TAF5: variants seen among roughly 807,000 people sequenced by gnomAD.
TAF5 encodes the protein TATA-box binding protein associated factor 5, also known as transcription initiation factor TFIID subunit 5.
TAF5 carries 20 observed loss-of-function variants against 80.9 expected under a neutral mutation model. The ratio of observed to expected loss-of-function variants is 0.25; its 90% CI spans 0.17 to 0.36. The LOEUF (loss-of-function observed/expected upper bound fraction) is 0.36. Among genes scored for constraint, TAF5 ranks in the 10% least tolerant of loss-of-function variants. TAF5 has a pLI of 1.00. For missense variants in TAF5, 863 were observed against 1,029.4 expected, an observed-to-expected ratio of 0.84 and a Z score of 2.21; for synonymous variants, 388 against 406.4, an observed-to-expected ratio of 0.95 and a Z score of 0.55.
chr10:103,383,924 C>G (rs1431810150), intron 7 of TAF5, among the ~76,000 whole-genome samples: 1 of 150,208 alleles, frequency 6.7e-6, no homozygotes, highest in Non-Finnish European at 1.5e-5. Context: ...TCAGGGCTTA[C>G]TGGTTTTAAA....
Position 103,368,012 on chromosome 10 carries a change from A to C in TAF5, c.23A>C (p.Gln8Pro). Residue 8 changes from glutamine (Q) to proline (P), a missense_variant, in exon 1 of 11, where the codon CAG (glutamine) becomes CCG (proline). By Grantham distance (76) the Gln-to-Pro change is moderately conservative (BLOSUM62 -1). Around this residue, in one of 3 missense-constraint regions of TAF5, gnomAD observed 367 missense variants for 335.5 expected, o/e 1.09. Transcript: ENST00000369839. MAALAEE[Q>P]TEVAVKLEPE... Reference sequence around the variant, plus strand: ...AAGATGGCGGCGCTGGCGGAGGAGCAGACGGAGGTGGCGGTCAAGCTAGAG... The same window carrying C: ...AAGATGGCGGCGCTGGCGGAGGAGCCGACGGAGGTGGCGGTCAAGCTAGAG... 6.8e-7 allele frequency: 1 copy of C among 1,464,118 alleles called. No homozygotes were observed. The highest frequency in any genetic ancestry group is 1.3e-5 in the South Asian group (1 of 75,698). 90.7% of individuals were successfully genotyped at this position (1,464,118 alleles called of 1,614,324 possible). A position where few individuals can be genotyped will look rare whatever the true frequency, so the allele number is the denominator to read the frequency against.
chr10:103,375,297 T>C (rs548007060), intron 2 of TAF5, among the ~76,000 whole-genome samples: 9 of 151,912 alleles, frequency 5.9e-5, no homozygotes, highest in Non-Finnish European at 1.3e-4. Context: ...CTGGACTAGG[T>C]TGTGGTGGAG....
At chr10:103,377,575 A>T (rs897015716) in intron 2 of TAF5, among the ~76,000 whole-genome samples, 1 of 152,240 alleles carries the variant, frequency 6.6e-6, no homozygotes, top group Non-Finnish European at 1.5e-5. Flanking sequence ...ACTAGTTGTT[A>T]TCAAGGCTAA....
intron 1 of TAF5, among the ~76,000 whole-genome samples, chr10:103,371,878 T>G (rs2093360252): frequency 6.6e-6 from 1 of 152,096 alleles, no homozygotes. Flanking sequence ...TTTGCACATA[T>G]CTTTTATACA....
At chr10:103,373,617 T>C (rs1592091073) in intron 2 of TAF5, 22 bp downstream of exon 2, 2 of 1,543,230 alleles carry the variant, frequency 1.3e-6, no homozygotes, top group East Asian at 4.6e-5. Context: ...TTTACATATA[T>C]ATATATACAC....
At chr10:103,381,591 A>G in intron 5 of TAF5, 130 bp from the exon 6 acceptor site, 1 of 1,045,932 alleles carries the variant, frequency 9.6e-7, no homozygotes, top group South Asian at 1.7e-5. Context: ...AGAATTTTAA[A>G]AGTCTTTATA....
rs971678192 is a variant in TAF5 at position 103,388,061 on chromosome 10, A to G, written c.2241A>G (p.Leu747=). 3 of 1,614,112 alleles carry G rather than the reference A, an allele frequency of 1.9e-6. No individual in the cohort carries two copies. Among genetic ancestry groups the G allele is most frequent in the Non-Finnish European group, 1.7e-6 (2 of 1,179,974 alleles). The change falls in exon 11 of 11, where the codon TTA becomes TTG. Residue 747 remains leucine (L), a synonymous_variant. Coordinates refer to ENST00000369839, the MANE Select transcript of TAF5 (RefSeq NM_006951.5). ...LWDAIKAFED[L]ETDDFTTATG... is the part of the protein sequence containing the mutation. ...ATGCTATCAAAGCCTTTGAAGATTT[A>G]GAGACCGATGACTTTACTACAGCCA...
Position 103,379,893 on chromosome 10 carries a change from TC to T in TAF5, c.1289del (p.Pro430LeufsTer3). On this transcript the variant is annotated frameshift_variant, in exon 5 of 11. Transcript: ENST00000369839. LOFTEE classifies it high-confidence loss of function. ...NAPPQNRIPL[P>X]ELKDSDKLDK... Reference sequence around the variant, plus strand: ...TCTTTTTCTTTCACAGAATCCCTCTTCCTGAGTTGAAAGATTCAGATAAGTT... The same window carrying T: ...TCTTTTTCTTTCACAGAATCCCTCTTCTGAGTTGAAAGATTCAGATAAGTT... 6.2e-7 allele frequency: 1 copy of T among 1,611,112 alleles called. No homozygotes were observed. Among genetic ancestry groups the T allele is most frequent in the Non-Finnish European group, 8.5e-7 (1 of 1,179,336 alleles).
In TAF5 at chr10:103,388,480, T is replaced by C. The variant is rs1006112154; in HGVS notation, c.*257T>C. On this transcript the variant is annotated 3_prime_UTR_variant, in exon 11 of 11. Coordinates refer to ENST00000369839, the MANE Select transcript of TAF5 (RefSeq NM_006951.5). ...ATGGTGCTTTGGATTGTGTGGAAAC[T>C]ATGCATTTTCTGTTCAAATGCTATT... The C allele has an allele frequency of 3.4e-6, 1 of 297,606 alleles. No individual in the cohort carries two copies. Among genetic ancestry groups the C allele is most frequent in the East Asian group, 5.7e-5 (1 of 17,636 alleles). 18.4% of individuals were successfully genotyped at this position (297,606 alleles called of 1,614,324 possible).
At chr10:103,376,808 C>T (rs1225724660) in intron 2 of TAF5, among the ~76,000 whole-genome samples, 1 of 152,126 alleles carries the variant, frequency 6.6e-6, no homozygotes, top group Non-Finnish European at 1.5e-5. Context: ...CTTTGAGAAG[C>T]CAAGGCGGGC....
Position 103,378,715 on chromosome 10 carries a change from T to TG in TAF5, c.1113+167dup, listed in dbSNP as rs2093375257. On this transcript the variant is annotated intron_variant, in intron 3 of 10. Transcript: ENST00000369839. This position sits in a 1 kb window ranked among gnomAD's most constrained non-coding sequence, Gnocchi z 4.1. ...TCTTGTCACCCAAGCTGGAGTGCAG[T>TG]GGCGTGATCTCAGCTCACTGCAACC... 6.6e-6 allele frequency among the ~76,000 whole-genome samples: 1 copy of TG among 152,224 alleles called. No homozygotes were observed. The highest frequency in any genetic ancestry group is 6.5e-5 in the Admixed American group (1 of 15,272).
At chr10:103,375,538 T>C (rs1406774093) in intron 2 of TAF5, among the ~76,000 whole-genome samples, 3 of 152,124 alleles carry the variant, frequency 2.0e-5, no homozygotes, top group African/African-American at 4.8e-5. Context: ...AGTTGATAGG[T>C]AGATGATATA....
intron 3 of TAF5, among the ~76,000 whole-genome samples, chr10:103,379,090 A>T (rs554071679): frequency 3.6e-4 from 55 of 152,332 alleles, no homozygotes; most frequent in African/African-American, 1.3e-3. Flanking sequence ...TTTTTCTCCC[A>T]TAAAATGAAT....
At chr10:103,386,851 G>A (rs1241599999) in intron 8 of TAF5, among the ~76,000 whole-genome samples, 1 of 151,920 alleles carries the variant, frequency 6.6e-6, no homozygotes, top group Non-Finnish European at 1.5e-5. Context: ...TTTTAGTAAA[G>A]ACGGTGTTTC....
chr10:103,376,979 G>A (rs933319319), intron 2 of TAF5, among the ~76,000 whole-genome samples: 4 of 152,168 alleles, frequency 2.6e-5, no homozygotes, highest in Non-Finnish European at 5.9e-5. Flanking sequence ...TGGAGGTGGA[G>A]GTTGCAGCGA....
At chr10:103,387,418 A>G in intron 9 of TAF5, 66 bp downstream of exon 9, 2 of 1,552,714 alleles carry the variant, frequency 1.3e-6, no homozygotes, top group Non-Finnish European at 1.7e-6. Context: ...TTTTTAAACA[A>G]GTGACACATA....
chr10:103,382,902 C>G (rs544259211), intron 6 of TAF5, among the ~76,000 whole-genome samples: 23 of 152,276 alleles, frequency 1.5e-4, no homozygotes, highest in Admixed American at 1.0e-3. Context: ...CCCGCCTTGG[C>G]CTACCAAAAT....
At chr10:103,373,217 T>C (rs1287829153) in intron 1 of TAF5, 141 bp from the exon 2 acceptor site, 10 of 668,118 alleles carry the variant, frequency 1.5e-5, no homozygotes, top group Non-Finnish European at 1.7e-5. Context: ...AAAAAGATTA[T>C]GTGATTGTGT....
In TAF5 at chr10:103,373,509, C is replaced by G. The variant is rs1335515558; in HGVS notation, c.711C>G (p.Ser237=). ...CSLDCHRAEL[S]QLFYPLFVHM... is the part of the protein sequence containing the mutation. ...TGGACTGCCATCGGGCAGAGTTGTCCCAACTTTTTTATCCTCTGTTTGTGC... is the reference window on the plus strand; with the variant it reads ...TGGACTGCCATCGGGCAGAGTTGTCGCAACTTTTTTATCCTCTGTTTGTGC... Residue 237 remains serine (S), a synonymous_variant, in exon 2 of 11, where the codon TCC becomes TCG. Transcript: ENST00000369839. 1 of 1,613,974 alleles carries G rather than the reference C, an allele frequency of 6.2e-7. No homozygotes were observed. Among genetic ancestry groups the G allele is most frequent in the African/African-American group, 1.3e-5 (1 of 74,908 alleles).
Sources: gnomAD v4.1 joint callset for allele counts (sites outside exome capture counted in the v4.1 genomes callset) on GRCh38, gnomAD v4.1.1 for gene constraint, gnomAD v4.1.1 regional missense constraint, Gnocchi (gnomAD v3.1) non-coding constraint, MANE v1.5 for transcripts, NCBI Gene and HGNC (gene_info 2026-07-23, HGNC 2026-07-21) for gene names.